The following SACS variants were observed in gnomAD, a reference collection of about 807,000 sequenced individuals.
SACS encodes the protein sacsin.
A neutral mutation model predicts 348.0 loss-of-function variants in SACS; 197 were observed. The ratio of observed to expected loss-of-function variants is 0.57; its 90% CI spans 0.50 to 0.64. The LOEUF is 0.64. Among genes scored for constraint, SACS ranks in the 30% least tolerant of loss-of-function variants. The pLI is 0.00. For synonymous variants in SACS, 1,985 were observed against 1,910.6 expected (o/e 1.04, Z -1.02); for missense variants, 4,999 against 5,360.8 (o/e 0.93, Z 2.11).
intron 1 of SACS, among the ~76,000 whole-genome samples, chr13:23,416,879 C>A (rs1161247547): frequency 6.6e-6 from 1 of 151,638 alleles, no homozygotes; most frequent in Non-Finnish European, 1.5e-5. Context: ...GAGGGGGCAG[C>A]CAGAACAAGA....
chr13:23,340,022 C>A lies in SACS; in HGVS notation c.3854G>T (p.Cys1285Phe). Residue 1285 changes from cysteine to phenylalanine, a missense_variant, in exon 10 of 10, where the codon TGT becomes TTT. Transcript: ENST00000382292. ...TTTAATCACAGCCTGGGCAAGTGGA[C>A]AAAACTTTTTGCCAGTCCAAACCCA... ...FPWVWTGKKF[C>F]PLAQAVIKPI... 1 of 1,613,490 alleles carries A rather than the reference C, an allele frequency of 6.2e-7. No individual in the cohort carries two copies. Among genetic ancestry groups the A allele is most frequent in the Non-Finnish European group, 8.5e-7 (1 of 1,179,804 alleles).
chr13:23,367,594 ATTGT>A (rs1173393609), intron 5 of SACS, among the ~76,000 whole-genome samples: 4 of 151,638 alleles, frequency 2.6e-5, no homozygotes, highest in East Asian at 3.9e-4. Context: ...TTGTTGTTTT[ATTGT>A]TTGTTTGTTT....
Position 23,411,200 on chromosome 13 carries a change from T to G in SACS, c.20+20A>C. On this transcript the variant is annotated intron_variant, in intron 2 of 9. Transcript: ENST00000382292. Reference sequence around the variant, plus strand: ...AATCCCAATGCAAATTATTGTCATTTAAAACATTAACTCATTTACCTGTTC... The same window carrying G: ...AATCCCAATGCAAATTATTGTCATTGAAAACATTAACTCATTTACCTGTTC... 6.3e-7 allele frequency: 1 copy of G among 1,594,640 alleles called. No homozygotes were observed. The highest frequency in any genetic ancestry group is 1.7e-4 in the Middle Eastern group (1 of 6,030).
chr13:23,419,524 G>A (rs548081652), intron 1 of SACS, among the ~76,000 whole-genome samples: 6 of 152,202 alleles, frequency 3.9e-5, no homozygotes, highest in South Asian at 2.1e-4. Context: ...TTGGGAAACC[G>A]GGCGTGTTAT....
At chr13:23,416,342 T>C (rs1426983845) in intron 1 of SACS, among the ~76,000 whole-genome samples, 1 of 151,664 alleles carries the variant, frequency 6.6e-6, no homozygotes, top group African/African-American at 2.4e-5. Context: ...GAAATAAAGA[T>C]GAGAGCAGAA....
intron 9 of SACS, 107 bp downstream of exon 9, chr13:23,353,678 C>T (rs1049497877): frequency 3.0e-6 from 2 of 664,380 alleles, no homozygotes; most frequent in East Asian, 2.8e-5. Flanking sequence ...TTAGCTTGAG[C>T]CATAAGAAAT....
In SACS at chr13:23,336,285, T is replaced by C; in HGVS notation, c.7591A>G (p.Arg2531Gly). 6.2e-7 allele frequency: 1 copy of C among 1,614,106 alleles called. No homozygotes were observed. The highest frequency in any genetic ancestry group is 8.5e-7 in the Non-Finnish European group (1 of 1,179,950). ...TATGCATTAAGGATGCTCTTAATTC[T>C]GCTGGTCAATTTTTCTTTCTGCCCA... Reference protein sequence around the residue: ...EFGQKEKLTSRIKSILNAYPS... With the variant: ...EFGQKEKLTSGIKSILNAYPS... The change falls in exon 10 of 10, where the codon AGA (arginine) becomes GGA (glycine). Residue 2531 changes from arginine to glycine, a missense_variant. Physicochemically the swap from Arg to Gly is moderately radical, Grantham distance 125. Coordinates refer to ENST00000382292, the MANE Select transcript of SACS (RefSeq NM_014363.6).
At chr13:23,412,206 C>A (rs1268190653) in intron 1 of SACS, among the ~76,000 whole-genome samples, 1 of 152,016 alleles carries the variant, frequency 6.6e-6, no homozygotes, top group Non-Finnish European at 1.5e-5. Flanking sequence ...TTGCAGTGAG[C>A]CAAGATCGCG....
intron 2 of SACS, among the ~76,000 whole-genome samples, chr13:23,390,468 T>C (rs1445932966): frequency 6.6e-6 from 1 of 152,092 alleles, no homozygotes; most frequent in East Asian, 1.9e-4. Flanking sequence ...TAGACCAGCC[T>C]GGGCAAGATG....
intron 1 of SACS, among the ~76,000 whole-genome samples, chr13:23,421,369 C>T (rs1024399485): frequency 1.3e-5 from 2 of 152,032 alleles, no homozygotes; most frequent in Non-Finnish European, 2.9e-5. Flanking sequence ...CCTAGTTTCC[C>T]TGTGGAGTGT....
At position 23,358,543 on chromosome 13, in the gene SACS, C is replaced by T; in HGVS notation, c.458-62G>A. ...GATACCAGGGTGTTCTGTTCTATCT[C>T]AAGAGATCCTCTATACAAAATCTCT... On this transcript the variant is annotated intron_variant, in intron 6 of 9. Transcript: ENST00000382292. 3 of 1,559,828 alleles carry T rather than the reference C, an allele frequency of 1.9e-6. No individual in the cohort carries two copies. The South Asian group carries it at 3.3e-5, about 17-fold the overall frequency.
intron 2 of SACS, 180 bp from the exon 3 acceptor site, chr13:23,375,449 G>A (rs938152341): frequency 1.2e-5 from 14 of 1,179,462 alleles, no homozygotes; most frequent in Non-Finnish European, 1.5e-5. Context: ...GCCCCGCGCG[G>A]GCCGGGAGGG....
chr13:23,361,912 G>A (rs1870760476), intron 6 of SACS, among the ~76,000 whole-genome samples: 1 of 152,186 alleles, frequency 6.6e-6, no homozygotes, highest in Non-Finnish European at 1.5e-5. Flanking sequence ...GAAAGAAAGA[G>A]ATGACCCAGC....
rs878854978 is a variant in SACS, at chr13:23,341,449, C to T, written c.2427G>A (p.Glu809=). ...EMPLIPRTIL[E]EGQTCVELIR... ...TGAGTTCCACACATGTCTGACCTTC[C>T]TCTAGTATAGTTCTGGGGATAAGTG... is the stretch of plus-strand genomic sequence containing the variant. The change falls in exon 10 of 10, where the codon GAG becomes GAA. Residue 809 remains glutamate, a synonymous_variant. Coordinates refer to ENST00000382292, the MANE Select transcript of SACS (RefSeq NM_014363.6). 1.9e-6 allele frequency: 3 copies of T among 1,614,032 alleles called. No homozygotes were observed. Among genetic ancestry groups the T allele is most frequent in the Non-Finnish European group, 1.7e-6 (2 of 1,179,986 alleles).
chr13:23,388,173 A>G (rs1195060942), intron 2 of SACS, among the ~76,000 whole-genome samples: 2 of 151,990 alleles, frequency 1.3e-5, no homozygotes, highest in African/African-American at 2.4e-5. Context: ...ACAATTCACA[A>G]TTGCAAAGAT....
chr13:23,409,040 C>CATTTTTTTTTTTT (rs1873359626), intron 2 of SACS, among the ~76,000 whole-genome samples: 1 of 35,122 alleles, frequency 2.8e-5, no homozygotes, highest in Non-Finnish European at 4.9e-5. Flanking sequence ...ACAAGTTTTA[C>CATTTTTTTTTTTT]TTTTTTTTTT....
chr13:23,359,915 A>C (rs1870623686), intron 6 of SACS, among the ~76,000 whole-genome samples: 1 of 152,184 alleles, frequency 6.6e-6, no homozygotes, highest in Admixed American at 6.5e-5. Context: ...TTTTACAAAA[A>C]TGGCATGACT....
In SACS at chr13:23,339,476, A is replaced by G. The variant is rs756638448; in HGVS notation, c.4400T>C (p.Ile1467Thr). The G allele has an allele frequency of 1.4e-5, 22 of 1,606,002 alleles. No individual in the cohort carries two copies. Among genetic ancestry groups the G allele is most frequent in the Admixed American group, 1.7e-5 (1 of 58,922 alleles). Residue 1467 changes from isoleucine to threonine, a missense_variant, in exon 10 of 10, where the codon ATT (isoleucine) becomes ACT (threonine). By Grantham distance (89) the Ile-to-Thr change is moderately conservative (BLOSUM62 -1). Around this residue, in one of 6 missense-constraint regions of SACS, gnomAD observed 3,156 missense variants for 3,380.1 expected, o/e 0.93. Transcript: ENST00000382292. ...REPLTVRIKNILEEYPSVSDI... is the reference protein window; with the variant it reads ...REPLTVRIKNTLEEYPSVSDI... ...TGACACTGAAGGGTATTCTTCCAGA[A>G]TATTTTTAATTCTTACAGTAAGTGG...
chr13:23,408,701 C>T (rs961407483), intron 2 of SACS, among the ~76,000 whole-genome samples: 1 of 152,158 alleles, frequency 6.6e-6, no homozygotes, highest in Non-Finnish European at 1.5e-5. Flanking sequence ...CACAGTGGCT[C>T]ACGCCTGGAA....
Sources: gnomAD v4.1 joint callset for allele counts (sites outside exome capture counted in the v4.1 genomes callset) on GRCh38, gnomAD v4.1.1 for gene constraint, gnomAD v4.1.1 regional missense constraint, MANE v1.5 for transcripts, NCBI Gene and HGNC (gene_info 2026-07-23, HGNC 2026-07-21) for gene names.